NCALD: variants seen among roughly 807,000 people sequenced by gnomAD.
The protein encoded by NCALD is neurocalcin delta, also known as neurocalcin-delta.
Under a neutral mutation model 18.6 loss-of-function variants are expected in NCALD, and 10 were observed. The ratio of observed to expected loss-of-function variants is 0.54; its 90% CI spans 0.33 to 0.91. NCALD has a LOEUF of 0.91. Among genes scored for constraint, NCALD ranks in the 40% least tolerant of loss-of-function variants. The pLI, the probability that NCALD is intolerant of heterozygous loss-of-function variation, is 0.03. For missense variants in NCALD, 184 were observed against 247.6 expected (o/e 0.74, Z 1.72); for synonymous variants, 88 against 87.4 (o/e 1.01, Z -0.04).
intron 2 of NCALD, among the ~76,000 whole-genome samples, chr8:102,009,330 T>G (rs766674213): frequency 1.1e-4 from 16 of 152,222 alleles, no homozygotes; most frequent in Non-Finnish European, 2.2e-4. Flanking sequence ...TAGCAATTAA[T>G]GAGAATTAGA....
At chr8:102,026,553 C>T (rs1822464881) in intron 1 of NCALD, among the ~76,000 whole-genome samples, 2 of 152,188 alleles carry the variant, frequency 1.3e-5, no homozygotes, top group African/African-American at 2.4e-5. Context: ...GCTCCCATGG[C>T]CTTGGACAGC....
At chr8:102,033,309 A>G (rs923775743) in intron 1 of NCALD, among the ~76,000 whole-genome samples, 1 of 152,148 alleles carries the variant, frequency 6.6e-6, no homozygotes, top group African/African-American at 2.4e-5. Flanking sequence ...CTGAGAGATA[A>G]CCTCTTGAAA....
intron 1 of NCALD, among the ~76,000 whole-genome samples, chr8:101,732,353 C>A (rs1227922237): frequency 6.6e-6 from 1 of 152,084 alleles, no homozygotes; most frequent in Admixed American, 6.6e-5. Flanking sequence ...GAGCTCAAGT[C>A]CCCATTTTTA....
intron 3 of NCALD, among the ~76,000 whole-genome samples, chr8:101,898,241 G>T (rs972058904): frequency 6.6e-6 from 1 of 152,202 alleles, no homozygotes; most frequent in African/African-American, 2.4e-5. Flanking sequence ...TCTAATAGGT[G>T]TGTGGTGCTA....
In NCALD at chr8:101,810,404, T is replaced by C. The variant is rs111743724; in HGVS notation, c.-20+76737A>G. Among the ~76,000 whole-genome samples, 865 of 152,308 alleles carry C rather than the reference T, an allele frequency of 5.7e-3. 10 individuals carry two copies. The highest frequency in any genetic ancestry group is 0.018 in the African/African-American group (762 of 41,570). On this transcript the variant is annotated intron_variant, in intron 4 of 6. Coordinates refer to the NCALD transcript ENST00000311028. ...AGCTACTCTCTATAATTAAGGAGAATAATTAAGAAATGTGCTATTTAAGGT... is the reference window on the plus strand; with the variant it reads ...AGCTACTCTCTATAATTAAGGAGAACAATTAAGAAATGTGCTATTTAAGGT...
At chr8:101,723,837 T>C (rs954761239) in intron 1 of NCALD, among the ~76,000 whole-genome samples, 20 of 152,196 alleles carry the variant, frequency 1.3e-4, no homozygotes, top group African/African-American at 4.8e-4. Context: ...TACCATATCA[T>C]TAACCTATTT....
chr8:101,833,092 TC>T (rs1814254668), intron 4 of NCALD, among the ~76,000 whole-genome samples: 2 of 152,196 alleles, frequency 1.3e-5, no homozygotes, highest in South Asian at 4.1e-4. Flanking sequence ...TCGCCCTTCT[TC>T]CTGAGCCACA....
chr8:101,967,376 G>T (rs2131878552), intron 2 of NCALD, among the ~76,000 whole-genome samples: 1 of 152,280 alleles, frequency 6.6e-6, no homozygotes, highest in Non-Finnish European at 1.5e-5. Context: ...ACCACATTTT[G>T]ATGTAAAAGC....
At chr8:101,783,870 T>A (rs970087757) in intron 1 of NCALD, among the ~76,000 whole-genome samples, 4 of 152,196 alleles carry the variant, frequency 2.6e-5, no homozygotes, top group African/African-American at 4.8e-5. Flanking sequence ...AACAGAAATA[T>A]ATTTTCCTCC....
chr8:101,948,909 T>C (rs1021363019), intron 2 of NCALD, among the ~76,000 whole-genome samples: 2 of 152,148 alleles, frequency 1.3e-5, no homozygotes, highest in Admixed American at 6.5e-5. Context: ...ATCTGCCTTA[T>C]AGAGTGGTTC....
intron 1 of NCALD, among the ~76,000 whole-genome samples, chr8:102,065,491 G>A (rs983469470): frequency 6.6e-6 from 1 of 152,110 alleles, no homozygotes; most frequent in Non-Finnish European, 1.5e-5. Flanking sequence ...TGAAACAGAG[G>A]CCTTTAATAC....
chr8:101,693,096 G>C, intron 2 of NCALD, 200 bp from the exon 3 acceptor site: 1 of 476,222 alleles, frequency 2.1e-6, no homozygotes, highest in Non-Finnish European at 3.9e-6. Context: ...CTCCAGTGAG[G>C]ACCTTCAGGA....
At chr8:102,027,987 G>A (rs1822523069) in intron 1 of NCALD, among the ~76,000 whole-genome samples, 1 of 152,182 alleles carries the variant, frequency 6.6e-6, no homozygotes, top group Non-Finnish European at 1.5e-5. Flanking sequence ...GGGATTATGG[G>A]AACTGTAATT....
chr8:101,991,779 T>G (rs560706783), intron 2 of NCALD, among the ~76,000 whole-genome samples: 69 of 152,334 alleles, frequency 4.5e-4, no homozygotes, highest in Non-Finnish European at 7.3e-4. Flanking sequence ...GTGCTTTTCC[T>G]AGATCGTCTG....
Position 101,824,434 on chromosome 8 carries a change from T to G in NCALD, c.-20+62707A>C, listed in dbSNP as rs552013337. ...GCCTGCCTTCCCTTAATAACAACTG[T>G]AGATCTATCCTCATTACTTTATACT... On this transcript the variant is annotated intron_variant, in intron 4 of 6. Transcript: ENST00000311028. Among the ~76,000 whole-genome samples the G allele has an allele frequency of 9.9e-5, 15 of 152,284 alleles. No homozygotes were observed. The South Asian group carries it at 3.1e-3, about 32-fold the overall frequency.
At chr8:101,867,560 C>T (rs1246714390) in intron 4 of NCALD, among the ~76,000 whole-genome samples, 1 of 152,174 alleles carries the variant, frequency 6.6e-6, no homozygotes, top group Non-Finnish European at 1.5e-5. Context: ...CAATTTTGGA[C>T]TTTAATTCCT....
At chr8:101,691,905 G>A (rs563556005) in intron 3 of NCALD, 14 of 985,310 alleles carry the variant, frequency 1.4e-5, no homozygotes, top group Non-Finnish European at 1.6e-5. Flanking sequence ...CGGGTGAGCT[G>A]ATAATAACAG....
chr8:102,086,082 G>A (rs937837687), intron 1 of NCALD, among the ~76,000 whole-genome samples: 1 of 151,958 alleles, frequency 6.6e-6, no homozygotes, highest in Non-Finnish European at 1.5e-5. Context: ...TTTAAATTTG[G>A]GCACCTAAAA....
At chr8:101,788,456 A>G (rs1405891245) in intron 1 of NCALD, among the ~76,000 whole-genome samples, 2 of 152,206 alleles carry the variant, frequency 1.3e-5, no homozygotes, top group East Asian at 1.9e-4. Flanking sequence ...ATCCTGAAAT[A>G]TCTTTTATGC....
Sources: gnomAD v4.1 joint callset for allele counts (sites outside exome capture counted in the v4.1 genomes callset) on GRCh38, gnomAD v4.1.1 for gene constraint, MANE v1.5 for transcripts, NCBI Gene and HGNC (gene_info 2026-07-23, HGNC 2026-07-21) for gene names.